The following HDAC9 variants were observed in gnomAD, a reference collection of about 807,000 sequenced individuals.
The protein encoded by HDAC9 is MEF-2 interacting transcription repressor (MITR) protein.
Under a neutral mutation model 139.4 loss-of-function variants are expected in HDAC9, and 41 were observed. The observed-to-expected ratio is 0.29, with a 90% CI of 0.23 to 0.38. The LOEUF is 0.38. Among genes scored for constraint, HDAC9 ranks in the 10% least tolerant of loss-of-function variants. HDAC9 has a pLI of 1.00. For synonymous variants in HDAC9, 517 were observed against 476.2 expected, an observed-to-expected ratio of 1.09 and a Z score of -1.12; for missense variants, 1,147 against 1,297.0, an observed-to-expected ratio of 0.88 and a Z score of 1.78.
intron 2 of HDAC9, among the ~76,000 whole-genome samples, chr7:18,223,461 A>G (rs752816313): frequency 1.3e-5 from 2 of 151,884 alleles, no homozygotes; most frequent in East Asian, 1.9e-4. Flanking sequence ...CAGCAACCCA[A>G]TGAACAGAAT....
intron 2 of HDAC9, among the ~76,000 whole-genome samples, chr7:18,199,132 T>C (rs541112022): frequency 5.1e-4 from 78 of 152,180 alleles, no homozygotes; most frequent in Non-Finnish European, 9.7e-4. Context: ...AGCTTCTTTA[T>C]TGAGGACAAC....
intron 2 of HDAC9, among the ~76,000 whole-genome samples, chr7:18,212,661 A>G (rs1229603173): frequency 1.3e-5 from 2 of 152,202 alleles, no homozygotes; most frequent in Non-Finnish European, 2.9e-5. Context: ...ATTATTTCAT[A>G]AGACAGAGGA....
intron 13 of HDAC9, 141 bp downstream of exon 13, chr7:18,727,898 T>C: frequency 3.5e-6 from 2 of 574,352 alleles, no homozygotes; most frequent in East Asian, 3.4e-5. Context: ...TACGAGGTTA[T>C]ATTGGCTATA....
At chr7:18,715,107 T>G (rs1048600846) in intron 12 of HDAC9, among the ~76,000 whole-genome samples, 2 of 152,172 alleles carry the variant, frequency 1.3e-5, no homozygotes, top group African/African-American at 4.8e-5. Flanking sequence ...GTTTAAAGGT[T>G]TGGTTGTTGA....
intron 21 of HDAC9, among the ~76,000 whole-genome samples, chr7:18,850,898 T>G (rs1797239052): frequency 6.6e-6 from 1 of 152,180 alleles, no homozygotes; most frequent in Non-Finnish European, 1.5e-5. Flanking sequence ...CTGTAGGTTT[T>G]CTTTCACAAG....
intron 1 of HDAC9, among the ~76,000 whole-genome samples, chr7:18,469,882 T>C (rs1227647741): frequency 6.6e-6 from 1 of 152,116 alleles, no homozygotes; most frequent in African/African-American, 2.4e-5. Context: ...TCACCCAGCT[T>C]GACGCCCAGA....
chr7:18,146,571 G>A (rs951169085), intron 1 of HDAC9, among the ~76,000 whole-genome samples: 1 of 152,112 alleles, frequency 6.6e-6, no homozygotes, highest in African/African-American at 2.4e-5. Flanking sequence ...AAGAGACCTT[G>A]GTTTTTTAAG....
At chr7:18,329,590 A>T (rs73074239) in intron 1 of HDAC9, among the ~76,000 whole-genome samples, 8,629 of 151,092 alleles carry the variant, frequency 0.057, 304 homozygotes, top group East Asian at 0.18. Context: ...AATGAACTGT[A>T]TAATTCAATG....
intron 2 of HDAC9, among the ~76,000 whole-genome samples, chr7:18,256,861 G>A (rs924478153): frequency 1.3e-5 from 2 of 152,100 alleles, no homozygotes; most frequent in Non-Finnish European, 2.9e-5. Flanking sequence ...GGCAAGGTAG[G>A]GGGATTGCTT....
chr7:18,434,121 AC>A (rs1790947163), intron 1 of HDAC9, among the ~76,000 whole-genome samples: 1 of 152,188 alleles, frequency 6.6e-6, no homozygotes, highest in African/African-American at 2.4e-5. Context: ...CACACCTACA[AC>A]CAACTGATCT....
chr7:18,855,132 C>T (rs563034014), intron 21 of HDAC9, among the ~76,000 whole-genome samples: 3 of 152,288 alleles, frequency 2.0e-5, no homozygotes, highest in South Asian at 2.1e-4. Flanking sequence ...TCTCTGAAAC[C>T]AGAGCAGTAA....
At chr7:18,976,207 G>C (rs775018517) in intron 25 of HDAC9, among the ~76,000 whole-genome samples, 12 of 152,230 alleles carry the variant, frequency 7.9e-5, no homozygotes, top group Admixed American at 3.3e-4. Context: ...TAAATGGTGA[G>C]AAAAATCACG....
intron 2 of HDAC9, among the ~76,000 whole-genome samples, chr7:18,575,800 G>A (rs918672849): frequency 1.6e-4 from 25 of 152,280 alleles, no homozygotes; most frequent in African/African-American, 5.3e-4. Flanking sequence ...GTGCACATGT[G>A]TTACTAATTT....
intron 2 of HDAC9, among the ~76,000 whole-genome samples, chr7:18,263,691 C>T (rs148777943): frequency 2.0e-5 from 3 of 151,788 alleles, no homozygotes; most frequent in African/African-American, 7.3e-5. Flanking sequence ...TCACTGCAAC[C>T]TCCACCTCCC....
chr7:18,840,802 C>A (rs952921185), intron 21 of HDAC9, among the ~76,000 whole-genome samples: 1 of 152,072 alleles, frequency 6.6e-6, no homozygotes, highest in African/African-American at 2.4e-5. Flanking sequence ...GATTGGAAAT[C>A]TGTCCAGATA....
At chr7:18,822,172 T>C (rs948564122) in intron 17 of HDAC9, among the ~76,000 whole-genome samples, 2 of 152,160 alleles carry the variant, frequency 1.3e-5, no homozygotes, top group Non-Finnish European at 2.9e-5. Flanking sequence ...TCCCCAGAGG[T>C]TGGGCTGTGG....
At chr7:18,564,157 A>G (rs1253562597) in intron 2 of HDAC9, among the ~76,000 whole-genome samples, 1 of 152,066 alleles carries the variant, frequency 6.6e-6, no homozygotes, top group African/African-American at 2.4e-5. Context: ...TTTTGACAAC[A>G]ATGACTATTC....
chr7:18,959,482 A>C (rs1783381981), intron 24 of HDAC9, among the ~76,000 whole-genome samples: 1 of 152,190 alleles, frequency 6.6e-6, no homozygotes, highest in Non-Finnish European at 1.5e-5. Context: ...TACATGCACA[A>C]GGATTTGAGG....
intron 1 of HDAC9, among the ~76,000 whole-genome samples, chr7:18,412,807 A>G (rs750891577): frequency 6.6e-6 from 1 of 152,246 alleles, no homozygotes; most frequent in Non-Finnish European, 1.5e-5. Context: ...AAGGCCGTCT[A>G]GCAAAGGAAG....
Sources: allele counts gnomAD v4.1 joint callset (sites outside exome capture counted in the v4.1 genomes callset), GRCh38; gene constraint gnomAD v4.1.1; transcripts MANE v1.5; gene names NCBI Gene and HGNC (gene_info 2026-07-23, HGNC 2026-07-21).